RAB3A: variants seen among roughly 807,000 people sequenced by gnomAD.
RAB3A encodes ras-related protein Rab-3A.
Under a neutral mutation model 19.7 loss-of-function variants are expected in RAB3A, and 5 were observed. That is an observed-to-expected ratio of 0.25 (90% CI 0.13 to 0.53). RAB3A has a LOEUF of 0.53. Ranked by LOEUF, RAB3A falls within the 20% of genes least tolerant of loss-of-function variation. RAB3A has a pLI of 0.95. For synonymous variants in RAB3A, 119 were observed against 122.1 expected, an observed-to-expected ratio of 0.97 and a Z score of 0.17; for missense variants, 189 against 305.6, an observed-to-expected ratio of 0.62 and a Z score of 2.85.
At chr19:18,201,895 C>T (rs1019353859) in intron 2 of RAB3A, among the ~76,000 whole-genome samples, 3 of 151,854 alleles carry the variant, frequency 2.0e-5, no homozygotes, top group South Asian at 4.2e-4. Context: ...CTTGAGCCCA[C>T]GAGTTCAAAT....
In RAB3A at chr19:18,200,575, G is replaced by A. The variant is rs528288450; in HGVS notation, c.229-130C>T. On this transcript the variant is annotated intron_variant, in intron 2 of 4. Transcript: ENST00000222256. The stretch of plus-strand genomic sequence containing the variant: ...CTTGCCCAGGGGCACAAAGTGTCAG[G>A]AAGAGCAGGTTGGGTCACCAGTGCT... 1.5e-3 allele frequency: 1,056 copies of A among 704,392 alleles called. 1 individual carries two copies. The highest frequency in any genetic ancestry group is 2.3e-3 in the Non-Finnish European group (953 of 414,940). 43.6% of individuals were successfully genotyped at this position (704,392 alleles called of 1,614,324 possible). A position where few individuals can be genotyped will look rare whatever the true frequency, so the allele number is the denominator to read the frequency against.
rs1010435522 is a variant in RAB3A, at chr19:18,202,112, G to C, written c.228+401C>G. On this transcript the variant is annotated intron_variant, in intron 2 of 4. Coordinates refer to ENST00000222256, the MANE Select transcript of RAB3A (RefSeq NM_002866.5). The surrounding 1 kb of genome is among the most constrained non-coding windows in gnomAD (Gnocchi z 4.2). ...AGCAGGCGTGGTGGTAGAAGCCCGT[G>C]GTCCTAGCTACTCAGGAGGCTCAGG... Among the ~76,000 whole-genome samples, 1 of 152,036 alleles carries C rather than the reference G, an allele frequency of 6.6e-6. No individual in the cohort carries two copies. The highest frequency in any genetic ancestry group is 1.5e-5 in the Non-Finnish European group (1 of 68,002).
chr19:18,200,503 A>C, intron 2 of RAB3A, 58 bp from the exon 3 acceptor site: 3 of 1,399,382 alleles, frequency 2.1e-6, no homozygotes, highest in Admixed American at 2.0e-5. Context: ...TCGAAGAGGA[A>C]ATGAGCTCTG....
intron 2 of RAB3A, among the ~76,000 whole-genome samples, chr19:18,201,729 G>C (rs896036322): frequency 6.6e-6 from 1 of 152,120 alleles, no homozygotes; most frequent in Non-Finnish European, 1.5e-5. Flanking sequence ...AGAAAATAAC[G>C]GTATAAATGT....
At position 18,202,479 on chromosome 19, in the gene RAB3A, C is replaced by T. The variant is rs769089380; in HGVS notation, c.228+34G>A. 3 of 1,592,020 alleles carry T rather than the reference C, an allele frequency of 1.9e-6. No individual in the cohort carries two copies. The highest frequency in any genetic ancestry group is 2.6e-6 in the Non-Finnish European group (3 of 1,161,392). Reference sequence around the variant, plus strand: ...GCTTTTCCAAGTACGGGAATCCAACCGAGCCGGGCGGGAGCCCTCCAGCTG... The same window carrying T: ...GCTTTTCCAAGTACGGGAATCCAACTGAGCCGGGCGGGAGCCCTCCAGCTG... On this transcript the variant is annotated intron_variant, in intron 2 of 4. Coordinates refer to ENST00000222256, the MANE Select transcript of RAB3A (RefSeq NM_002866.5). This position sits in a 1 kb window ranked among gnomAD's most constrained non-coding sequence, Gnocchi z 4.2.
At chr19:18,201,874 C>T (rs1293323259) in intron 2 of RAB3A, among the ~76,000 whole-genome samples, 1 of 152,008 alleles carries the variant, frequency 6.6e-6, no homozygotes, top group Non-Finnish European at 1.5e-5. Context: ...GAAGCTGAGG[C>T]GGGAGGATTG....
At chr19:18,200,506 G>T in intron 2 of RAB3A, 61 bp from the exon 3 acceptor site, 1 of 1,374,302 alleles carries the variant, frequency 7.3e-7, no homozygotes, top group South Asian at 1.3e-5. Flanking sequence ...AAGAGGAAAT[G>T]AGCTCTGATA....
intron 2 of RAB3A, 46 bp from the exon 3 acceptor site, chr19:18,200,491 C>T: frequency 6.8e-7 from 1 of 1,479,436 alleles, no homozygotes; most frequent in East Asian, 2.3e-5. Context: ...CACATAAGGC[C>T]CTCGAAGAGG....
chr19:18,200,301 A>AAAAG (rs779629952), intron 3 of RAB3A, 26 bp downstream of exon 3: 323 of 1,527,414 alleles, frequency 2.1e-4, no homozygotes, highest in Non-Finnish European at 2.6e-4. Context: ...GAAAAGAAAA[A>AAAAG]AAAAGAGCAA....
chr19:18,201,263 A>AAAAAAAAG (rs1555819266), intron 2 of RAB3A, among the ~76,000 whole-genome samples: 2 of 121,776 alleles, frequency 1.6e-5, no homozygotes, highest in African/African-American at 6.3e-5. Context: ...AAAAAAAAAA[A>AAAAAAAAG]AAAGAAAGAA....
At position 18,202,546 on chromosome 19, in the gene RAB3A, A is replaced by G. The variant is rs763838044; in HGVS notation, c.195T>C (p.Tyr65=). 23 of 1,614,164 alleles carry G rather than the reference A, an allele frequency of 1.4e-5. No individual in the cohort carries two copies. Among genetic ancestry groups the G allele is most frequent in the Non-Finnish European group, 1.7e-5 (20 of 1,180,022 alleles). ...VGIDFKVKTI[Y]RNDKRIKLQI... is the part of the protein sequence containing the mutation. Reference sequence around the variant, plus strand: ...GCAGCTTGATCCTCTTGTCGTTGCGATAGATGGTCTTGACCTTGAAGTCGA... The same window carrying G: ...GCAGCTTGATCCTCTTGTCGTTGCGGTAGATGGTCTTGACCTTGAAGTCGA... Residue 65 remains tyrosine, a synonymous_variant, in exon 2 of 5, where the codon TAT becomes TAC. Coordinates refer to ENST00000222256, the MANE Select transcript of RAB3A (RefSeq NM_002866.5). This position sits in a 1 kb window ranked among gnomAD's most constrained non-coding sequence, Gnocchi z 4.2.
chr19:18,199,009 A>C (rs1600028960), intron 3 of RAB3A, among the ~76,000 whole-genome samples, 160 bp from the exon 4 acceptor site: 3 of 144,436 alleles, frequency 2.1e-5, no homozygotes, highest in African/African-American at 5.2e-5. Context: ...CCCCGCTTTC[A>C]CCCCACTCCA....
intron 3 of RAB3A, among the ~76,000 whole-genome samples, chr19:18,199,115 G>A (rs759373428): frequency 6.6e-6 from 1 of 151,878 alleles, no homozygotes; most frequent in African/African-American, 2.4e-5. Flanking sequence ...GCCTGCCTTC[G>A]CTTCTCAAAG....
chr19:18,198,928 G>A (rs920416682), intron 3 of RAB3A, 79 bp from the exon 4 acceptor site: 7 of 1,519,412 alleles, frequency 4.6e-6, no homozygotes, highest in Non-Finnish European at 6.2e-6. Context: ...TGGAGCCTGT[G>A]TCCTTGTCCG....
rs540107704 is a variant in RAB3A at position 18,197,448 on chromosome 19, G to A, written c.*22C>T. On this transcript the variant is annotated 3_prime_UTR_variant, in exon 5 of 5. Transcript: ENST00000222256. ...GGAAGGTGGGGAAGACAGGGAAGAG[G>A]GGAAAGGGAGTGGGATGGCTCTCAG... The A allele has an allele frequency of 1.9e-6, 3 of 1,599,830 alleles. No individual in the cohort carries two copies. Among genetic ancestry groups the A allele is most frequent in the Admixed American group, 1.7e-5 (1 of 58,920 alleles).
Position 18,200,321 on chromosome 19 carries a change from A to G in RAB3A, c.347+6T>C, listed in dbSNP as rs757536662. On this transcript the variant is annotated splice_donor_region_variant and intron_variant, in intron 3 of 4. Transcript: ENST00000222256. ...GAAAAAAAAAGAGCAAGTGGGGTAC[A>G]CTCACCAGTCCTGCACTGCATTGAA... The G allele has an allele frequency of 6.3e-7, 1 of 1,587,188 alleles. No individual in the cohort carries two copies. The highest frequency in any genetic ancestry group is 1.1e-5 in the South Asian group (1 of 87,516).
intron 2 of RAB3A, among the ~76,000 whole-genome samples, chr19:18,201,260 A>AGG (rs1417912470): frequency 1.4e-4 from 10 of 72,480 alleles, no homozygotes; most frequent in Admixed American, 1.3e-3. Context: ...AAAAAAAAAA[A>AGG]AAAAAAGAAA....
chr19:18,200,361 T>A lies in RAB3A; in HGVS notation c.313A>T (p.Thr105Ser), dbSNP rs146388037. Residue 105 changes from threonine (T) to serine (S), a missense_variant, in exon 3 of 5, where the codon ACC becomes TCC. By Grantham distance (58) the Thr-to-Ser change is moderately conservative (BLOSUM62 1). Coordinates refer to ENST00000222256, the MANE Select transcript of RAB3A (RefSeq NM_002866.5). ...ACTGCATTGAAGGATTCCTCGTTGG[T>A]GATGTCATACATGAGGATGAAGCCC... ...AMGFILMYDI[T>S]NEESFNAVQD... The A allele has an allele frequency of 6.2e-6, 10 of 1,613,780 alleles. No homozygotes were observed. The African/African-American group carries it at 1.3e-4, about 22-fold the overall frequency.
chr19:18,201,302 C>G (rs530549330), intron 2 of RAB3A, among the ~76,000 whole-genome samples: 54 of 127,872 alleles, frequency 4.2e-4, no homozygotes, highest in African/African-American at 1.4e-3. Context: ...AAAACAGAGG[C>G]CAGGCGTGGT....
Sources: gnomAD v4.1 joint callset for allele counts (sites outside exome capture counted in the v4.1 genomes callset) on GRCh38, gnomAD v4.1.1 for gene constraint, Gnocchi (gnomAD v3.1) non-coding constraint, MANE v1.5 for transcripts, NCBI Gene and HGNC (gene_info 2026-07-23, HGNC 2026-07-21) for gene names.